The following VAV3 variants were observed in gnomAD, a reference collection of about 807,000 sequenced individuals.
VAV3 encodes the protein guanine nucleotide exchange factor VAV3.
Under a neutral mutation model 131.2 loss-of-function variants are expected in VAV3, and 94 were observed. The ratio of observed to expected loss-of-function variants is 0.72; its 90% CI spans 0.61 to 0.85. The LOEUF (loss-of-function observed/expected upper bound fraction) is 0.85. Among genes scored for constraint, VAV3 ranks in the 40% least tolerant of loss-of-function variants. The pLI, the probability that VAV3 is intolerant of heterozygous loss-of-function variation, is 0.00. For missense variants in VAV3, 939 were observed against 1,002.7 expected (o/e 0.94, Z 0.86); for synonymous variants, 349 against 342.0 (o/e 1.02, Z -0.22).
At chr1:107,747,286 C>T (rs899317064) in intron 15 of VAV3, among the ~76,000 whole-genome samples, 7 of 152,064 alleles carry the variant, frequency 4.6e-5, no homozygotes, top group African/African-American at 1.7e-4. Flanking sequence ...TGCTCTAGGA[C>T]ATGAAATTCA....
intron 4 of VAV3, among the ~76,000 whole-genome samples, chr1:107,776,580 A>G (rs1665369553): frequency 6.6e-6 from 1 of 152,198 alleles, no homozygotes; most frequent in Non-Finnish European, 1.5e-5. Context: ...GGATAGATGA[A>G]TGAATGGATG....
At chr1:107,906,710 AAAAT>A (rs1188124151) in intron 1 of VAV3, among the ~76,000 whole-genome samples, 30 of 152,144 alleles carry the variant, frequency 2.0e-4, no homozygotes, top group African/African-American at 7.0e-4. Context: ...AAATAAAATA[AAAAT>A]AAAATAACAG....
intron 1 of VAV3, among the ~76,000 whole-genome samples, chr1:107,905,112 T>TA (rs1469763510): frequency 6.6e-6 from 1 of 152,210 alleles, no homozygotes; most frequent in Admixed American, 6.5e-5. Context: ...GAAACTGTTA[T>TA]AAAATGTATA....
At chr1:107,646,810 T>C (rs1004086038) in intron 19 of VAV3, among the ~76,000 whole-genome samples, 2 of 152,030 alleles carry the variant, frequency 1.3e-5, no homozygotes, top group Admixed American at 1.3e-4. Context: ...CGTGTGTTTC[T>C]GGTTAAATAA....
chr1:107,798,809 C>T (rs779418451), intron 2 of VAV3, among the ~76,000 whole-genome samples: 21 of 150,018 alleles, frequency 1.4e-4, no homozygotes, highest in Non-Finnish European at 2.8e-4. Flanking sequence ...TATGAAATTG[C>T]GCTTTTCTAT....
chr1:107,704,529 G>A (rs1440803111), intron 17 of VAV3, 21 bp downstream of exon 17: 1 of 1,589,828 alleles, frequency 6.3e-7, no homozygotes, highest in Admixed American at 1.7e-5. Flanking sequence ...AAACAGAATT[G>A]CAACAATAAA....
At chr1:107,846,908 T>C (rs754749695) in intron 2 of VAV3, among the ~76,000 whole-genome samples, 9 of 152,202 alleles carry the variant, frequency 5.9e-5, no homozygotes, top group Admixed American at 2.0e-4. Flanking sequence ...AAATCAGCTC[T>C]GGACCAACTG....
At chr1:107,664,356 C>A (rs942840403) in intron 19 of VAV3, among the ~76,000 whole-genome samples, 2 of 152,114 alleles carry the variant, frequency 1.3e-5, no homozygotes, top group Non-Finnish European at 2.9e-5. Context: ...CCCAACCCCC[C>A]ACAAAAGGCC....
Position 107,757,253 on chromosome 1 carries a change from T to C in VAV3, c.1086+8A>G, listed in dbSNP as rs1353128299. ...AATACAAACAAATTACTGATGAATC[T>C]GCCCTACCTTCATGGCATCAAGAGC... On this transcript the variant is annotated splice_region_variant and intron_variant, in intron 11 of 26. Transcript: ENST00000370056. 1 of 1,610,468 alleles carries C rather than the reference T, an allele frequency of 6.2e-7. No individual in the cohort carries two copies. The highest frequency in any genetic ancestry group is 8.5e-7 in the Non-Finnish European group (1 of 1,178,834).
chr1:107,659,255 T>C (rs550704071), intron 19 of VAV3, among the ~76,000 whole-genome samples: 5 of 152,226 alleles, frequency 3.3e-5, no homozygotes, highest in African/African-American at 1.2e-4. Context: ...TATGTTAAGA[T>C]ATTTTTGAAA....
intron 20 of VAV3, among the ~76,000 whole-genome samples, chr1:107,625,907 T>G (rs1307268764): frequency 6.6e-6 from 1 of 152,160 alleles, no homozygotes; most frequent in African/African-American, 2.4e-5. Flanking sequence ...ACACAAACTT[T>G]TAGTCATTAT....
chr1:107,643,190 C>A (rs1487498960), intron 19 of VAV3, among the ~76,000 whole-genome samples: 1 of 152,028 alleles, frequency 6.6e-6, no homozygotes, highest in African/African-American at 2.4e-5. Flanking sequence ...ATCACATTGC[C>A]CAGTATATGG....
intron 1 of VAV3, among the ~76,000 whole-genome samples, chr1:107,886,041 T>C (rs1234229657): frequency 6.6e-6 from 1 of 151,910 alleles, no homozygotes; most frequent in East Asian, 1.9e-4. Flanking sequence ...TGAGAAACAG[T>C]ATGGTGAGAA....
chr1:107,666,718 C>T (rs1486233215), intron 19 of VAV3, among the ~76,000 whole-genome samples: 2 of 152,004 alleles, frequency 1.3e-5, no homozygotes, highest in Non-Finnish European at 2.9e-5. Context: ...TACAGGTGCA[C>T]ACCACCACAC....
intron 19 of VAV3, among the ~76,000 whole-genome samples, chr1:107,664,697 C>T (rs1276185582): frequency 6.6e-6 from 1 of 151,554 alleles, no homozygotes; most frequent in South Asian, 2.1e-4. Flanking sequence ...AGATGTGCAC[C>T]CAGACCATTA....
chr1:107,872,513 T>G (rs1228164340), intron 2 of VAV3, among the ~76,000 whole-genome samples: 2 of 152,182 alleles, frequency 1.3e-5, no homozygotes, highest in Admixed American at 1.3e-4. Flanking sequence ...AATGTATATA[T>G]TCACGACATC....
chr1:107,671,813 A>C (rs1657819639), intron 19 of VAV3, among the ~76,000 whole-genome samples: 1 of 152,166 alleles, frequency 6.6e-6, no homozygotes, highest in African/African-American at 2.4e-5. Context: ...TTTCAATATT[A>C]AGTATTTATA....
intron 2 of VAV3, among the ~76,000 whole-genome samples, chr1:107,796,206 C>T (rs1292562822): frequency 6.6e-6 from 1 of 152,086 alleles, no homozygotes; most frequent in African/African-American, 2.4e-5. Flanking sequence ...ATCTTTGCTG[C>T]AGCCCTGACT....
At chr1:107,649,230 C>G (rs147303546) in intron 19 of VAV3, among the ~76,000 whole-genome samples, 1 of 152,134 alleles carries the variant, frequency 6.6e-6, no homozygotes, top group East Asian at 1.9e-4. Context: ...TCTGACTACA[C>G]CCAAGTAATT....
Sources: gnomAD v4.1 joint callset for allele counts (sites outside exome capture counted in the v4.1 genomes callset) on GRCh38, gnomAD v4.1.1 for gene constraint, MANE v1.5 for transcripts, NCBI Gene and HGNC (gene_info 2026-07-23, HGNC 2026-07-21) for gene names.